Variants in SH3RF1 observed in about 807,000 individuals in gnomAD.
SH3RF1 encodes SH3 domain containing ring finger 1, also known as E3 ubiquitin-protein ligase SH3RF1.
SH3RF1 carries 32 observed loss-of-function variants against 74.0 expected under a neutral mutation model. The observed-to-expected ratio is 0.43, with a 90% confidence interval of 0.33 to 0.58. The LOEUF (loss-of-function observed/expected upper bound fraction) is 0.58, where lower values mean the gene tolerates loss of function less well. SH3RF1 is among the 20% of genes least tolerant of loss of function. The probability of loss-of-function intolerance (pLI) is 0.05; values close to 1 mark genes in which losing one functional copy is unlikely to be tolerated. For missense variants in SH3RF1, 954 were observed against 1,130.9 expected (o/e 0.84, Z 2.24); for synonymous variants, 396 against 439.6 (o/e 0.90, Z 1.24).
At chr4:169,205,097 G>A (rs1730230060) in intron 2 of SH3RF1, among the ~76,000 whole-genome samples, 1 of 152,214 alleles carries the variant, frequency 6.6e-6, no homozygotes, top group African/African-American at 2.4e-5. Flanking sequence ...ACAAGGGAGT[G>A]AAGGGAAATA....
At chr4:169,152,340 T>C (rs985816300) in intron 4 of SH3RF1, among the ~76,000 whole-genome samples, 3 of 152,324 alleles carry the variant, frequency 2.0e-5, no homozygotes, top group Admixed American at 2.0e-4. Context: ...GCCATTTATA[T>C]AGCCATTCTT....
At chr4:169,101,412 C>T (rs1209195977) in intron 11 of SH3RF1, among the ~76,000 whole-genome samples, 1 of 151,948 alleles carries the variant, frequency 6.6e-6, no homozygotes. Context: ...CCAGAAGTCA[C>T]TTACGGGGAG....
chr4:169,186,455 C>T (rs1579126167), intron 2 of SH3RF1, among the ~76,000 whole-genome samples: 1 of 151,956 alleles, frequency 6.6e-6, no homozygotes, highest in Admixed American at 6.5e-5. Context: ...ATCAAATCCC[C>T]TATTTTCTTT....
intron 2 of SH3RF1, among the ~76,000 whole-genome samples, chr4:169,268,344 T>C (rs1342156351): frequency 6.6e-6 from 1 of 152,224 alleles, no homozygotes; most frequent in African/African-American, 2.4e-5. Context: ...CTGTGCTGTG[T>C]ATTCATAAAA....
Position 169,120,816 on chromosome 4 carries a change from T to C in SH3RF1, c.1517+3A>G. 2 of 1,613,432 alleles carry C rather than the reference T, an allele frequency of 1.2e-6. No homozygotes were observed. Among genetic ancestry groups the C allele is most frequent in the Non-Finnish European group, 1.7e-6 (2 of 1,179,396 alleles). ...ATAGTAAACAATGTATTCAAAACCA[T>C]ACCTTGTGACTGGTGCCACATAATT... On this transcript the variant is annotated splice_donor_region_variant and intron_variant, in intron 8 of 11. Coordinates refer to ENST00000284637, the MANE Select transcript of SH3RF1 (RefSeq NM_020870.4).
intron 4 of SH3RF1, among the ~76,000 whole-genome samples, chr4:169,137,529 C>T (rs181163727): frequency 1.3e-5 from 2 of 152,180 alleles, no homozygotes; most frequent in East Asian, 3.9e-4. Flanking sequence ...AATTGAGATG[C>T]AAAATAATAA....
chr4:169,137,383 A>C (rs1733717588), intron 4 of SH3RF1, among the ~76,000 whole-genome samples: 2 of 152,226 alleles, frequency 1.3e-5, no homozygotes, highest in Admixed American at 6.5e-5. Flanking sequence ...ATTATCAGCA[A>C]GAAAGGAAAG....
chr4:169,141,273 TA>T (rs35267741), intron 4 of SH3RF1, among the ~76,000 whole-genome samples: 14,776 of 152,270 alleles, frequency 0.097, 921 homozygotes, highest in South Asian at 0.17. Context: ...TTAATACAAA[TA>T]AAACCAAGCA....
chr4:169,252,031 G>C lies in SH3RF1; in HGVS notation c.393+16789C>G, dbSNP rs75114060. Among the ~76,000 whole-genome samples the C allele has an allele frequency of 3.7e-3, 565 of 152,310 alleles. 5 individuals carry two copies. The highest frequency in any genetic ancestry group is 0.013 in the African/African-American group (543 of 41,570). ...TAAAAGATAGGTGGTGTGCCTACAA[G>C]AGCGAGGACTCTGGTATGTTCCGCA... On this transcript the variant is annotated intron_variant, in intron 2 of 11. Transcript: ENST00000284637.
Position 169,156,390 on chromosome 4 carries a change from C to T in SH3RF1, c.669+14G>A, listed in dbSNP as rs1270157103. 1.3e-6 allele frequency: 2 copies of T among 1,557,364 alleles called. No homozygotes were observed. The highest frequency in any genetic ancestry group is 1.7e-6 in the Non-Finnish European group (2 of 1,148,094). On this transcript the variant is annotated intron_variant, in intron 3 of 11. Coordinates refer to ENST00000284637, the MANE Select transcript of SH3RF1 (RefSeq NM_020870.4). ...AGAGCTGGCAAACAGAAAACAAGCACATTCTACCTTTACCTTTGCAAATGG... is the reference window on the plus strand; with the variant it reads ...AGAGCTGGCAAACAGAAAACAAGCATATTCTACCTTTACCTTTGCAAATGG...
At chr4:169,136,195 G>T in intron 5 of SH3RF1, 123 bp downstream of exon 5, 1 of 1,104,424 alleles carries the variant, frequency 9.1e-7, no homozygotes, top group Non-Finnish European at 1.2e-6. Flanking sequence ...TTGCTTCCCA[G>T]AAAAGTTACT....
At chr4:169,128,870 G>C (rs942499845) in intron 6 of SH3RF1, among the ~76,000 whole-genome samples, 1 of 152,138 alleles carries the variant, frequency 6.6e-6, no homozygotes, top group Non-Finnish European at 1.5e-5. Flanking sequence ...CTGTAACAAA[G>C]TAAACCAGGC....
chr4:169,247,562 C>T (rs1031749505), intron 2 of SH3RF1, among the ~76,000 whole-genome samples: 1 of 152,098 alleles, frequency 6.6e-6, no homozygotes, highest in Admixed American at 6.5e-5. Context: ...AAAGTAGCAT[C>T]GCTTGATAAA....
At chr4:169,187,019 A>C (rs189652473) in intron 2 of SH3RF1, among the ~76,000 whole-genome samples, 1 of 151,604 alleles carries the variant, frequency 6.6e-6, no homozygotes, top group African/African-American at 2.4e-5. Context: ...TCGCAAAAAA[A>C]AAAAAATGAA....
intron 2 of SH3RF1, among the ~76,000 whole-genome samples, chr4:169,208,946 A>G (rs1730309357): frequency 2.0e-5 from 3 of 152,198 alleles, no homozygotes; most frequent in African/African-American, 7.2e-5. Flanking sequence ...AAAAAAAGAA[A>G]AGAAAGAAAA....
At chr4:169,198,237 C>T (rs749141906) in intron 2 of SH3RF1, among the ~76,000 whole-genome samples, 1 of 152,194 alleles carries the variant, frequency 6.6e-6, no homozygotes, top group African/African-American at 2.4e-5. Flanking sequence ...TGGCTTTCAA[C>T]ACTTTAAACC....
At chr4:169,237,242 T>C (rs777921700) in intron 2 of SH3RF1, among the ~76,000 whole-genome samples, 3 of 152,210 alleles carry the variant, frequency 2.0e-5, no homozygotes, top group Non-Finnish European at 4.4e-5. Context: ...AGACACACGG[T>C]GAAGGTGATT....
At chr4:169,248,954 C>G (rs1001472174) in intron 2 of SH3RF1, among the ~76,000 whole-genome samples, 1 of 152,272 alleles carries the variant, frequency 6.6e-6, no homozygotes, top group East Asian at 1.9e-4. Flanking sequence ...AGGGACGGGC[C>G]CAGTGGCTCA....
intron 2 of SH3RF1, among the ~76,000 whole-genome samples, chr4:169,257,034 G>A (rs1051364723): frequency 1.3e-5 from 2 of 152,226 alleles, no homozygotes; most frequent in Admixed American, 6.5e-5. Flanking sequence ...CTTATCTCAT[G>A]TAATCCTCAC....
Sources: gnomAD v4.1 joint callset for allele counts (sites outside exome capture counted in the v4.1 genomes callset) on GRCh38, gnomAD v4.1.1 for gene constraint, MANE v1.5 for transcripts, NCBI Gene and HGNC (gene_info 2026-07-23, HGNC 2026-07-21) for gene names.